The following MTUS2 variants were observed in gnomAD, a reference collection of about 807,000 sequenced individuals.
MTUS2 encodes the protein microtubule-associated tumor suppressor candidate 2.
MTUS2 carries 40 observed loss-of-function variants against 114.1 expected under a neutral mutation model. The ratio of observed to expected loss-of-function variants is 0.35; its 90% CI spans 0.27 to 0.46. The LOEUF (loss-of-function observed/expected upper bound fraction) is 0.46, where lower values mean the gene tolerates loss of function less well. Among genes scored for constraint, MTUS2 ranks in the 20% least tolerant of loss-of-function variants. MTUS2 has a pLI of 1.00. For missense variants in MTUS2, 1,679 were observed against 1,705.4 expected (o/e 0.98, Z 0.27); for synonymous variants, 688 against 672.0 (o/e 1.02, Z -0.37).
chr13:29,161,404 TTATA>T (rs972358095), intron 5 of MTUS2, among the ~76,000 whole-genome samples: 46 of 151,516 alleles, frequency 3.0e-4, no homozygotes, highest in Non-Finnish European at 6.0e-4. Flanking sequence ...TTTGTATAAA[TTATA>T]TAATGCATAA....
At chr13:29,053,009 T>C (rs1484952118) in intron 4 of MTUS2, among the ~76,000 whole-genome samples, 1 of 152,218 alleles carries the variant, frequency 6.6e-6, no homozygotes, top group Non-Finnish European at 1.5e-5. Flanking sequence ...TCCTTCATGA[T>C]TGTAAGTTTC....
chr13:29,384,357 CT>C (rs1387035101), intron 8 of MTUS2, among the ~76,000 whole-genome samples: 1 of 152,164 alleles, frequency 6.6e-6, no homozygotes, highest in Non-Finnish European at 1.5e-5. Context: ...AAAATACCAG[CT>C]TTTTGTAATC....
intron 2 of MTUS2, among the ~76,000 whole-genome samples, chr13:28,979,108 C>T (rs537686350): frequency 2.6e-5 from 4 of 152,262 alleles, no homozygotes; most frequent in East Asian, 1.9e-4. Context: ...TACCAGATTC[C>T]AAGTGGTTTC....
chr13:29,383,000 G>A (rs9506170), intron 8 of MTUS2, among the ~76,000 whole-genome samples: 29,289 of 152,106 alleles, frequency 0.19, 3,031 homozygotes, highest in Middle Eastern at 0.25. Context: ...ACTAAGCCGT[G>A]TGGGGACGCA....
chr13:28,998,858 A>G, intron 2 of MTUS2, among the ~76,000 whole-genome samples: 1 of 152,044 alleles, frequency 6.6e-6, no homozygotes, highest in East Asian at 1.9e-4. Context: ...AGCTCGGAGT[A>G]GTTTGATCTT....
intron 6 of MTUS2, among the ~76,000 whole-genome samples, chr13:29,309,149 C>G (rs1030149124): frequency 6.6e-6 from 1 of 152,156 alleles, no homozygotes; most frequent in Admixed American, 6.5e-5. Context: ...CAGCACCCTT[C>G]ACAATAGCAA....
At chr13:29,348,638 G>A (rs1452013682) in intron 7 of MTUS2, among the ~76,000 whole-genome samples, 1 of 152,222 alleles carries the variant, frequency 6.6e-6, no homozygotes, top group African/African-American at 2.4e-5. Context: ...TGTCCTACCA[G>A]TAGCTGAGAG....
chr13:29,052,358 G>A (rs923835529), intron 4 of MTUS2, among the ~76,000 whole-genome samples: 5 of 148,642 alleles, frequency 3.4e-5, no homozygotes, highest in Non-Finnish European at 5.9e-5. Context: ...GCAGGCACCT[G>A]TAATCCCAGC....
chr13:29,496,141 T>C lies in MTUS2; in HGVS notation c.3580-1097T>C, dbSNP rs1330988022. Among the ~76,000 whole-genome samples, 1 of 151,830 alleles carries C rather than the reference T, an allele frequency of 6.6e-6. No individual in the cohort carries two copies. The highest frequency in any genetic ancestry group is 1.5e-5 in the Non-Finnish European group (1 of 67,958). ...CCTGAGAGTCATGGCCAGAGCTGAGTGGGGCAGGGTCAGTGCAGGTGCATC... is the reference window on the plus strand; with the variant it reads ...CCTGAGAGTCATGGCCAGAGCTGAGCGGGGCAGGGTCAGTGCAGGTGCATC... On this transcript the variant is annotated intron_variant, in intron 12 of 15. Coordinates refer to ENST00000612955, the MANE Select transcript of MTUS2 (RefSeq NM_001033602.4). This position sits in a 1 kb window ranked among gnomAD's most constrained non-coding sequence, Gnocchi z 4.3.
At chr13:29,453,046 A>C (rs971892132) in intron 9 of MTUS2, among the ~76,000 whole-genome samples, 4 of 152,216 alleles carry the variant, frequency 2.6e-5, no homozygotes, top group Non-Finnish European at 4.4e-5. Context: ...TACAGAATAG[A>C]AGCAAACCCC....
At position 28,902,804 on chromosome 13, in the gene MTUS2, G is replaced by T. The variant is rs549722817; in HGVS notation, c.-243+62954G>T. On this transcript the variant is annotated intron_variant, in intron 2 of 15. Coordinates refer to ENST00000612955, the MANE Select transcript of MTUS2 (RefSeq NM_001033602.4). ...CTTTTGTATTATCTTTGTCTGGTTT[G>T]GTCAGGGTAATAGTGGCTTCTTATT... Among the ~76,000 whole-genome samples, 6 of 152,198 alleles carry T rather than the reference G, an allele frequency of 3.9e-5. No homozygotes were observed. The East Asian group carries it at 5.8e-4, about 15-fold the overall frequency.
chr13:29,372,071 G>C (rs1405973502), intron 8 of MTUS2, among the ~76,000 whole-genome samples: 1 of 144,542 alleles, frequency 6.9e-6, no homozygotes, highest in African/African-American at 2.6e-5. Context: ...TCACAGTGTA[G>C]ATGTGTATCA....
At chr13:29,285,071 A>G (rs1898421898) in intron 6 of MTUS2, among the ~76,000 whole-genome samples, 1 of 151,982 alleles carries the variant, frequency 6.6e-6, no homozygotes, top group Admixed American at 6.6e-5. Context: ...GTCAACTTGA[A>G]TAAGCTCCTA....
intron 5 of MTUS2, among the ~76,000 whole-genome samples, chr13:29,219,233 T>C (rs1218252773): frequency 6.7e-6 from 1 of 149,110 alleles, no homozygotes; most frequent in African/African-American, 2.5e-5. Flanking sequence ...TTTGGTTTTT[T>C]GTTCTTGCGA....
rs528669686 is a variant in MTUS2, at chr13:29,275,129, A to G, written c.2645-6575A>G. On this transcript the variant is annotated intron_variant, in intron 5 of 15. Transcript: ENST00000612955. ...TCTGAGTCCTTTTGACTTTTTAAAT[A>G]GTGTCCTCTGAAGCACAAATTTTTT... Among the ~76,000 whole-genome samples the G allele has an allele frequency of 1.2e-4, 18 of 152,312 alleles. No individual in the cohort carries two copies. In the South Asian group the frequency reaches 3.7e-3, roughly 32 times the overall value.
chr13:28,870,244 T>A (rs1457202087), intron 2 of MTUS2, among the ~76,000 whole-genome samples: 1 of 152,202 alleles, frequency 6.6e-6, no homozygotes, highest in Admixed American at 6.5e-5. Context: ...AGATTGAAAA[T>A]TAATGAAATT....
intron 8 of MTUS2, among the ~76,000 whole-genome samples, chr13:29,374,887 T>C (rs1468341395): frequency 6.6e-6 from 1 of 152,008 alleles, no homozygotes; most frequent in African/African-American, 2.4e-5. Context: ...GATCATGCCA[T>C]TGCACTCCAG....
intron 2 of MTUS2, among the ~76,000 whole-genome samples, chr13:28,868,775 C>T (rs888502698): frequency 3.3e-5 from 5 of 152,134 alleles, no homozygotes; most frequent in Non-Finnish European, 7.3e-5. Flanking sequence ...ACTATCAGTC[C>T]TTTAGAAATG....
In MTUS2 at chr13:29,053,185, A is replaced by G. The variant is rs550307901; in HGVS notation, c.2446+19060A>G. Reference sequence around the variant, plus strand: ...TACAATGAAGATAACTAATGTGACTATTCAGAGTTATTATATGTATTTTAT... The same window carrying G: ...TACAATGAAGATAACTAATGTGACTGTTCAGAGTTATTATATGTATTTTAT... On this transcript the variant is annotated intron_variant, in intron 4 of 15. Transcript: ENST00000612955. Among the ~76,000 whole-genome samples the G allele has an allele frequency of 2.1e-4, 32 of 152,334 alleles. No homozygotes were observed. The South Asian group carries it at 6.4e-3, about 31-fold the overall frequency.
Sources: gnomAD v4.1 joint callset for allele counts (sites outside exome capture counted in the v4.1 genomes callset) on GRCh38, gnomAD v4.1.1 for gene constraint, Gnocchi (gnomAD v3.1) non-coding constraint, MANE v1.5 for transcripts, NCBI Gene and HGNC (gene_info 2026-07-23, HGNC 2026-07-21) for gene names.